MIAT: variants seen among roughly 807,000 people sequenced by gnomAD.
MIAT encodes the protein myocardial infarction associated transcript.
chr22:26,675,827 A>G, exon 5 of MIAT: 1 of 398,664 alleles, frequency 2.5e-6, no homozygotes, highest in Non-Finnish European at 4.4e-6. Context: ...GCAAGAGCTG[A>G]TCCTGGTCCC....
exon 6 of MIAT, chr22:26,668,276 C>T (rs902664900): frequency 2.0e-5 from 8 of 398,502 alleles, no homozygotes; most frequent in East Asian, 3.6e-5. Flanking sequence ...TTTTCTAGCC[C>T]GCTGGGTGAC....
Position 26,675,077 on chromosome 22 carries a change from A to T in MIAT, n.8745A>T, listed in dbSNP as rs796181256. On this transcript the variant is annotated non_coding_transcript_exon_variant, in exon 5 of 5. Coordinates refer to the MIAT transcript ENST00000613780. Reference sequence around the variant, plus strand: ...GGGGATGTAGTGGTAGTTAAACACCATTTGGTCTTCAGGAGCTTTAATTCT... The same window carrying T: ...GGGGATGTAGTGGTAGTTAAACACCTTTTGGTCTTCAGGAGCTTTAATTCT... 1.5e-5 allele frequency: 6 copies of T among 398,750 alleles called. No individual in the cohort carries two copies. The South Asian group carries it at 6.4e-4, about 42-fold the overall frequency. 24.7% of individuals were successfully genotyped at this position (398,750 alleles called of 1,614,324 possible).
At chr22:26,656,433 T>C (rs1930456748) in intron 2 of MIAT, among the ~76,000 whole-genome samples, 2 of 151,690 alleles carry the variant, frequency 1.3e-5, no homozygotes, top group South Asian at 4.2e-4. Context: ...CGAGTGATTC[T>C]AGTGCCTCAG....
intron 2 of MIAT, among the ~76,000 whole-genome samples, chr22:26,648,670 C>G (rs1470284805): frequency 2.0e-5 from 3 of 151,390 alleles, no homozygotes; most frequent in Admixed American, 2.0e-4. Flanking sequence ...TTAAGTGCCG[C>G]TAATGTAGTA....
intron 3 of MIAT, among the ~76,000 whole-genome samples, chr22:26,664,173 G>A (rs1196588554): frequency 1.3e-5 from 2 of 151,830 alleles, no homozygotes; most frequent in South Asian, 2.1e-4. Flanking sequence ...CACCACACCC[G>A]GCTGATTTTT....
exon 1 of MIAT, chr22:26,646,768 T>G: frequency 2.5e-6 from 1 of 398,676 alleles, no homozygotes; most frequent in East Asian, 3.6e-5. Context: ...CCAAACTGTC[T>G]TAGTGCTTTC....
At chr22:26,654,772 C>T (rs1930394110) in intron 2 of MIAT, among the ~76,000 whole-genome samples, 1 of 152,000 alleles carries the variant, frequency 6.6e-6, no homozygotes. Flanking sequence ...GAGTGAGTGG[C>T]GTGATCTTGG....
chr22:26,656,582 T>C (rs1930463488), intron 2 of MIAT, among the ~76,000 whole-genome samples: 1 of 152,150 alleles, frequency 6.6e-6, no homozygotes, highest in African/African-American at 2.4e-5. Context: ...CCTCCCAAAG[T>C]GCTGGGATTA....
chr22:26,673,217 T>C, downstream of MIAT: 1 of 398,784 alleles, frequency 2.5e-6, no homozygotes, highest in Non-Finnish European at 4.4e-6. Flanking sequence ...TCTGGCTCTC[T>C]GTTCCCACGG....
chr22:26,660,947 T>C (rs542974686), intron 2 of MIAT: 1 of 152,356 alleles, frequency 6.6e-6, no homozygotes, highest in East Asian at 1.9e-4. Context: ...CGTGAGGCTA[T>C]GAACCAGTGC....
chr22:26,674,450 G>A (rs1027430500), downstream of MIAT: 2 of 398,768 alleles, frequency 5.0e-6, no homozygotes, highest in Non-Finnish European at 8.8e-6. Flanking sequence ...GGGCCTGGAG[G>A]ATTGGATCAG....
downstream of MIAT, chr22:26,673,713 A>G (rs1196806460): frequency 7.5e-6 from 3 of 398,424 alleles, no homozygotes; most frequent in Non-Finnish European, 1.3e-5. Context: ...ACACAGGGAA[A>G]AGCATAGCTA....
At chr22:26,674,795 C>T in exon 5 of MIAT, 2 of 398,666 alleles carry the variant, frequency 5.0e-6, no homozygotes, top group Non-Finnish European at 8.8e-6. Context: ...ACCTCCTATT[C>T]CTGAAACTCC....
At chr22:26,667,584 T>C (rs987478193) in intron 5 of MIAT, 3 of 307,908 alleles carry the variant, frequency 9.7e-6, no homozygotes, top group Non-Finnish European at 1.2e-5. Context: ...TGGAGCTTGC[T>C]ATGGGCTCCC....
At chr22:26,662,598 C>T (rs1930713254) in intron 2 of MIAT, among the ~76,000 whole-genome samples, 1 of 152,212 alleles carries the variant, frequency 6.6e-6, no homozygotes, top group African/African-American at 2.4e-5. Context: ...TCTGCAGAAG[C>T]ATCTGCTTCC....
downstream of MIAT, chr22:26,673,188 G>T (rs1009473292): frequency 3.0e-5 from 12 of 398,620 alleles, no homozygotes; most frequent in East Asian, 3.6e-4. Context: ...CAGATGCTCA[G>T]GCCGGCCAGG....
At chr22:26,674,593 TG>T, downstream of MIAT, 2 of 398,538 alleles carry the variant, frequency 5.0e-6, no homozygotes, top group Non-Finnish European at 4.4e-6. Context: ...TAGTTGGCAG[TG>T]GGGGTGAAGG....
At chr22:26,668,488 C>T (rs1287815027) in exon 6 of MIAT, 1 of 398,714 alleles carries the variant, frequency 2.5e-6, no homozygotes, top group East Asian at 3.6e-5. Context: ...GTCTGGGGGC[C>T]CTTTCCTGCC....
downstream of MIAT, chr22:26,671,390 C>T (rs1602372926): frequency 4.0e-5 from 16 of 398,822 alleles, no homozygotes; most frequent in East Asian, 5.7e-4. Flanking sequence ...CTGGAGGGGC[C>T]GGGGCAGTGT....
Sources: allele counts gnomAD v4.1 joint callset (sites outside exome capture counted in the v4.1 genomes callset), GRCh38; gene constraint gnomAD v4.1.1; transcripts MANE v1.5; gene names NCBI Gene and HGNC (gene_info 2026-07-23, HGNC 2026-07-21).